KCNK1: variants seen among roughly 807,000 people sequenced by gnomAD.
The protein encoded by KCNK1 is potassium two pore domain channel subfamily K member 1, also known as potassium channel subfamily K member 1.
In KCNK1, 10 loss-of-function variants were observed where a neutral mutation model predicts 22.2. The ratio of observed to expected loss-of-function variants is 0.45; its 90% CI spans 0.28 to 0.76. The LOEUF (loss-of-function observed/expected upper bound fraction) is 0.76, where lower values mean the gene tolerates loss of function less well. Among genes scored for constraint, KCNK1 ranks in the 30% least tolerant of loss-of-function variants. The pLI is 0.14. For synonymous variants in KCNK1, 200 were observed against 186.4 expected (o/e 1.07, Z -0.60); for missense variants, 378 against 421.0 (o/e 0.90, Z 0.89).
At chr1:233,641,174 G>C (rs955075127) in intron 1 of KCNK1, among the ~76,000 whole-genome samples, 3 of 152,240 alleles carry the variant, frequency 2.0e-5, no homozygotes, top group African/African-American at 7.2e-5. Context: ...TAGGTCCTTA[G>C]AGTATGGCTC....
intron 1 of KCNK1, among the ~76,000 whole-genome samples, chr1:233,627,133 G>A (rs1048534605): frequency 6.6e-6 from 1 of 152,088 alleles, no homozygotes; most frequent in South Asian, 2.1e-4. Flanking sequence ...AAAAACACCT[G>A]AGTGATTTTC....
intron 1 of KCNK1, among the ~76,000 whole-genome samples, chr1:233,651,514 T>G (rs1418589515): frequency 6.6e-6 from 1 of 152,192 alleles, no homozygotes; most frequent in Non-Finnish European, 1.5e-5. Context: ...TTATCTTATC[T>G]TCACTCTGTT....
chr1:233,636,935 G>C (rs537465213), intron 1 of KCNK1, among the ~76,000 whole-genome samples: 2 of 152,166 alleles, frequency 1.3e-5, no homozygotes, highest in African/African-American at 4.8e-5. Context: ...GGTGGCTCAC[G>C]CCTGTAATCC....
intron 1 of KCNK1, among the ~76,000 whole-genome samples, chr1:233,644,280 G>A (rs1227532607): frequency 1.3e-5 from 2 of 152,132 alleles, no homozygotes; most frequent in Non-Finnish European, 1.5e-5. Flanking sequence ...TCCCAACACT[G>A]TTGGACTGGG....
At chr1:233,615,393 A>G (rs1427640851) in intron 1 of KCNK1, among the ~76,000 whole-genome samples, 2 of 152,198 alleles carry the variant, frequency 1.3e-5, no homozygotes, top group African/African-American at 4.8e-5. Flanking sequence ...CGCATGCCCC[A>G]GGGCTCGGTC....
At chr1:233,657,117 G>C (rs1658311790) in intron 1 of KCNK1, among the ~76,000 whole-genome samples, 2 of 152,156 alleles carry the variant, frequency 1.3e-5, no homozygotes, top group African/African-American at 4.8e-5. Context: ...AAGCCCATTT[G>C]GTTTGTGTCT....
chr1:233,639,263 T>A (rs1657963943), intron 1 of KCNK1, among the ~76,000 whole-genome samples: 1 of 152,260 alleles, frequency 6.6e-6, no homozygotes, highest in Admixed American at 6.5e-5. Context: ...TTTGCATTTT[T>A]AAATGTTCTT....
At chr1:233,638,372 T>A (rs1657940089) in intron 1 of KCNK1, among the ~76,000 whole-genome samples, 3 of 151,916 alleles carry the variant, frequency 2.0e-5, no homozygotes. Flanking sequence ...TAAAAATGGC[T>A]CTTTTCCTTG....
In KCNK1 at chr1:233,644,701, A is replaced by G. The variant is rs1658061552; in HGVS notation, c.356-21894A>G. Among the ~76,000 whole-genome samples the G allele has an allele frequency of 4.6e-5, 7 of 152,124 alleles. No individual in the cohort carries two copies. The South Asian group carries it at 1.5e-3, about 32-fold the overall frequency. On this transcript the variant is annotated intron_variant, in intron 1 of 2. Coordinates refer to ENST00000366621, the MANE Select transcript of KCNK1 (RefSeq NM_002245.4). ...GGGAACAGTGAGTGCAAAGGCCCTGAGCTAGGATCTCAAGCTTTTTGAAGA... is the reference window on the plus strand; with the variant it reads ...GGGAACAGTGAGTGCAAAGGCCCTGGGCTAGGATCTCAAGCTTTTTGAAGA...
chr1:233,664,286 G>A (rs1412831278), intron 1 of KCNK1, among the ~76,000 whole-genome samples: 2 of 152,092 alleles, frequency 1.3e-5, no homozygotes, highest in Non-Finnish European at 2.9e-5. Context: ...TCCTCAGAAC[G>A]AGTCTCATTC....
intron 1 of KCNK1, among the ~76,000 whole-genome samples, chr1:233,657,784 T>A (rs1445985117): frequency 6.6e-6 from 1 of 151,944 alleles, no homozygotes; most frequent in Non-Finnish European, 1.5e-5. Context: ...AATATCTTAC[T>A]GCAAATTTTA....
chr1:233,650,940 G>A (rs1272059533), intron 1 of KCNK1, among the ~76,000 whole-genome samples: 1 of 152,196 alleles, frequency 6.6e-6, no homozygotes, highest in African/African-American at 2.4e-5. Context: ...CTGAGTTCCT[G>A]TGGATGGAGG....
intron 1 of KCNK1, among the ~76,000 whole-genome samples, chr1:233,623,871 G>C (rs932459651): frequency 6.6e-6 from 1 of 152,104 alleles, no homozygotes; most frequent in African/African-American, 2.4e-5. Flanking sequence ...TACAGGTAGC[G>C]TGAGCCACCG....
In KCNK1 at chr1:233,671,396, A is replaced by G. The variant is rs754918285; in HGVS notation, c.877A>G (p.Ile293Val). 1.2e-6 allele frequency: 2 copies of G among 1,614,108 alleles called. No homozygotes were observed. Among genetic ancestry groups the G allele is most frequent in the African/African-American group, 2.7e-5 (2 of 74,942 alleles). ...KKDKDEDQVH[I>V]IEHDQLSFSS... is the part of the protein sequence containing the mutation. ...GGACAAGGACGAGGATCAGGTGCAC[A>G]TCATAGAGCATGACCAACTGTCCTT... Residue 293 changes from isoleucine (I) to valine (V), a missense_variant, in exon 3 of 3, where the codon ATC becomes GTC. Physicochemically the swap from Ile to Val is conservative, Grantham distance 29 (BLOSUM62 3). Transcript: ENST00000366621.
Position 233,666,810 on chromosome 1 carries a change from A to G in KCNK1, c.571A>G (p.Thr191Ala). 1 of 1,614,030 alleles carries G rather than the reference A, an allele frequency of 6.2e-7. No homozygotes were observed. The highest frequency in any genetic ancestry group is 2.2e-5 in the East Asian group (1 of 44,866). The stretch of plus-strand genomic sequence containing the variant: ...CCATGCCGTGCTCCTTGGGTTTGTC[A>G]CTGTGTCCTGCTTCTTCTTCATCCC... ...IVHAVLLGFV[T>A]VSCFFFIPAA... The change falls in exon 2 of 3, where the codon ACT (threonine) becomes GCT (alanine). Residue 191 changes from threonine (T) to alanine (A), a missense_variant. By Grantham distance (58) the Thr-to-Ala change is moderately conservative (BLOSUM62 0). Coordinates refer to ENST00000366621, the MANE Select transcript of KCNK1 (RefSeq NM_002245.4).
chr1:233,668,835 G>A (rs563788902), intron 2 of KCNK1, among the ~76,000 whole-genome samples: 13 of 152,284 alleles, frequency 8.5e-5, no homozygotes, highest in Admixed American at 2.0e-4. Context: ...ACGAACTCCT[G>A]ACTTCGTGAT....
chr1:233,655,425 G>A (rs1004230371), intron 1 of KCNK1, among the ~76,000 whole-genome samples: 12 of 152,098 alleles, frequency 7.9e-5, no homozygotes, highest in African/African-American at 2.7e-4. Flanking sequence ...AGTAGATACT[G>A]GAATGAGTTA....
intron 1 of KCNK1, chr1:233,661,794 CAT>C (rs1270913822): frequency 1.3e-5 from 2 of 152,216 alleles, no homozygotes; most frequent in African/African-American, 4.8e-5. Context: ...ATTATGAAGA[CAT>C]GTTGTATGCA....
chr1:233,620,827 G>T (rs1657573641), intron 1 of KCNK1, among the ~76,000 whole-genome samples: 2 of 151,168 alleles, frequency 1.3e-5, no homozygotes, highest in African/African-American at 4.9e-5. Flanking sequence ...AAGATAAATA[G>T]TTAAAAAATT....
Sources: allele counts gnomAD v4.1 joint callset (sites outside exome capture counted in the v4.1 genomes callset), GRCh38; gene constraint gnomAD v4.1.1; transcripts MANE v1.5; gene names NCBI Gene and HGNC (gene_info 2026-07-23, HGNC 2026-07-21).